Variants in ARID2 observed in about 807,000 individuals in gnomAD.
ARID2 encodes AT-rich interaction domain 2, also known as AT-rich interactive domain-containing protein 2.
Under a neutral mutation model 184.6 loss-of-function variants are expected in ARID2, and 32 were observed. The observed-to-expected ratio is 0.17, with a 90% CI of 0.13 to 0.23. The LOEUF (loss-of-function observed/expected upper bound fraction) is 0.23. Ranked by LOEUF, ARID2 falls within the 10% of genes least tolerant of loss-of-function variation. The pLI is 1.00. For synonymous variants in ARID2, 836 were observed against 772.6 expected, an observed-to-expected ratio of 1.08 and a Z score of -1.36; for missense variants, 1,696 against 2,197.6, an observed-to-expected ratio of 0.77 and a Z score of 4.56.
intron 3 of ARID2, among the ~76,000 whole-genome samples, chr12:45,734,584 AAAATT>A (rs1366434411): frequency 2.0e-5 from 3 of 152,074 alleles, no homozygotes; most frequent in Admixed American, 2.0e-4. Context: ...AAAAAAAAAA[AAAATT>A]AAATGGCTTA....
intron 3 of ARID2, among the ~76,000 whole-genome samples, chr12:45,777,997 G>A (rs1050867467): frequency 6.6e-6 from 1 of 152,026 alleles, no homozygotes; most frequent in East Asian, 1.9e-4. Context: ...TCTGAGGTCA[G>A]GAGTTCTAGA....
chr12:45,902,200 TATC>T, intron 20 of ARID2, among the ~76,000 whole-genome samples: 1 of 152,288 alleles, frequency 6.6e-6, no homozygotes, highest in East Asian at 1.9e-4. Flanking sequence ...GTTGAAAGAA[TATC>T]ATTTTATAAA....
chr12:45,801,971 T>C lies in ARID2; in HGVS notation c.285-9447T>C, dbSNP rs370956337. ...AAGTTGTTTTTAAAGGGTTCAAGCC[T>C]ACAGAAACTTAAGGGAGGTTTTTAA... On this transcript the variant is annotated intron_variant, in intron 3 of 20. Coordinates refer to ENST00000334344, the MANE Select transcript of ARID2 (RefSeq NM_152641.4). Among the ~76,000 whole-genome samples, 299 of 152,294 alleles carry C rather than the reference T, an allele frequency of 2.0e-3. 12 individuals carry two copies. The South Asian group carries it at 0.055, about 28-fold the overall frequency.
chr12:45,904,896 C>T (rs200602223), intron 20 of ARID2, 38 bp from the exon 21 acceptor site: 7 of 1,606,314 alleles, frequency 4.4e-6, no homozygotes, highest in East Asian at 4.5e-5. Context: ...ATCGCTGTGA[C>T]CTTGGAGACT....
intron 3 of ARID2, among the ~76,000 whole-genome samples, chr12:45,769,568 C>T (rs781349685): frequency 6.6e-6 from 1 of 152,050 alleles, no homozygotes; most frequent in Non-Finnish European, 1.5e-5. Flanking sequence ...AGTGTACCAA[C>T]GTACACATAA....
At chr12:45,816,736 C>G (rs1942810982) in intron 4 of ARID2, among the ~76,000 whole-genome samples, 1 of 152,150 alleles carries the variant, frequency 6.6e-6, no homozygotes, top group African/African-American at 2.4e-5. Context: ...TACTGATGCA[C>G]TTATCAACAT....
chr12:45,736,079 G>A (rs1043452734), intron 3 of ARID2, among the ~76,000 whole-genome samples: 3 of 152,136 alleles, frequency 2.0e-5, no homozygotes, highest in Admixed American at 2.0e-4. Flanking sequence ...TATTGTGGCC[G>A]GGCGTGGTGG....
intron 16 of ARID2, among the ~76,000 whole-genome samples, chr12:45,884,246 A>C (rs1211122694): frequency 6.6e-6 from 1 of 152,106 alleles, no homozygotes; most frequent in East Asian, 1.9e-4. Flanking sequence ...AAATACAAAA[A>C]TTAGCTGGGC....
intron 11 of ARID2, chr12:45,840,243 G>C (rs976163535): frequency 2.6e-5 from 4 of 151,910 alleles, no homozygotes; most frequent in Admixed American, 1.3e-4. Flanking sequence ...CTCACCTCCT[G>C]CTGTCCCCAA....
In ARID2 at chr12:45,835,289, G is replaced by C. The variant is rs115831154; in HGVS notation, c.706-1300G>C. Reference sequence around the variant, plus strand: ...ACTATTCATTGTCATTTTAAGTTTTGTGTCTGATATCTTTAATATCTGAAT... The same window carrying C: ...ACTATTCATTGTCATTTTAAGTTTTCTGTCTGATATCTTTAATATCTGAAT... On this transcript the variant is annotated intron_variant, in intron 6 of 20. Coordinates refer to ENST00000334344, the MANE Select transcript of ARID2 (RefSeq NM_152641.4). 9.2e-3 allele frequency among the ~76,000 whole-genome samples: 1,401 copies of C among 151,796 alleles called. 26 individuals are homozygous for C. Among genetic ancestry groups the C allele is most frequent in the African/African-American group, 0.033 (1,350 of 41,384 alleles).
At chr12:45,872,711 A>T (rs997209381) in intron 16 of ARID2, among the ~76,000 whole-genome samples, 1 of 152,198 alleles carries the variant, frequency 6.6e-6, no homozygotes, top group Non-Finnish European at 1.5e-5. Flanking sequence ...AAACCATATC[A>T]ATTACTATTT....
At chr12:45,763,138 T>C (rs1476174677) in intron 3 of ARID2, among the ~76,000 whole-genome samples, 1 of 152,222 alleles carries the variant, frequency 6.6e-6, no homozygotes, top group Non-Finnish European at 1.5e-5. Flanking sequence ...ACAAAAATTA[T>C]GTTCAATATA....
chr12:45,905,951 T>TG lies in ARID2; in HGVS notation c.*873_*874insG. The TG allele has an allele frequency of 1.3e-5, 3 of 227,202 alleles. No individual in the cohort carries two copies. The highest frequency in any genetic ancestry group is 6.2e-5 in the East Asian group (1 of 16,060). The allele number at this position is 227,202 out of a possible 1,614,324, so 14.1% of individuals were successfully genotyped here. A position where few individuals can be genotyped will look rare whatever the true frequency, so the allele number is the denominator to read the frequency against. On this transcript the variant is annotated 3_prime_UTR_variant, in exon 21 of 21. Transcript: ENST00000334344. ...TTTTTTTCTTTTTTCTTTTTTTTTT[T>TG]CTTTTTTTTTTTGTATTATACACCT...
chr12:45,785,808 G>C (rs1040088544), intron 3 of ARID2, among the ~76,000 whole-genome samples: 1 of 152,156 alleles, frequency 6.6e-6, no homozygotes, highest in African/African-American at 2.4e-5. Flanking sequence ...TACTCAACCT[G>C]TAGTACTTAG....
At chr12:45,903,276 A>G (rs2136471471) in intron 20 of ARID2, among the ~76,000 whole-genome samples, 1 of 152,268 alleles carries the variant, frequency 6.6e-6, no homozygotes, top group African/African-American at 2.4e-5. Flanking sequence ...TGGGGCTATT[A>G]AGAGTAATGC....
chr12:45,840,190 A>C (rs933254056), intron 11 of ARID2: 2 of 152,058 alleles, frequency 1.3e-5, no homozygotes, highest in African/African-American at 4.8e-5. Context: ...GTTTATACTA[A>C]AAATACATAT....
At chr12:45,871,131 C>T (rs897589985) in intron 16 of ARID2, among the ~76,000 whole-genome samples, 8 of 152,128 alleles carry the variant, frequency 5.3e-5, no homozygotes, top group Admixed American at 1.3e-4. Context: ...TTAGTTTTGT[C>T]AGTGTTTTAG....
intron 3 of ARID2, among the ~76,000 whole-genome samples, chr12:45,779,920 T>C (rs1444053242): frequency 1.3e-5 from 2 of 152,148 alleles, no homozygotes; most frequent in African/African-American, 4.8e-5. Context: ...TAGTAACTTA[T>C]TAAGATTATG....
chr12:45,738,868 T>A (rs1006198745), intron 3 of ARID2, among the ~76,000 whole-genome samples: 2 of 145,986 alleles, frequency 1.4e-5, no homozygotes, highest in African/African-American at 5.1e-5. Context: ...CAGTTGCTAG[T>A]CAGGAAAGGA....
Sources: gnomAD v4.1 joint callset for allele counts (sites outside exome capture counted in the v4.1 genomes callset) on GRCh38, gnomAD v4.1.1 for gene constraint, MANE v1.5 for transcripts, NCBI Gene and HGNC (gene_info 2026-07-23, HGNC 2026-07-21) for gene names.